DNAH8: variants seen among roughly 807,000 people sequenced by gnomAD.
DNAH8 encodes axonemal beta dynein heavy chain 8.
Under a neutral mutation model 562.1 loss-of-function variants are expected in DNAH8, and 382 were observed. That is an observed-to-expected ratio of 0.68 (90% CI 0.63 to 0.74). The LOEUF is 0.74. Among genes scored for constraint, DNAH8 ranks in the 30% least tolerant of loss-of-function variants. The pLI is 0.00. For synonymous variants in DNAH8, 1,881 were observed against 1,919.4 expected (o/e 0.98, Z 0.52); for missense variants, 5,203 against 5,620.4 (o/e 0.93, Z 2.37).
At chr6:38,872,047 G>C (rs972648857) in intron 49 of DNAH8, among the ~76,000 whole-genome samples, 1 of 152,100 alleles carries the variant, frequency 6.6e-6, no homozygotes, top group Non-Finnish European at 1.5e-5. Flanking sequence ...GGTTTCTCCT[G>C]GGAGCACTAC....
chr6:38,943,044 A>G (rs1421325850), intron 79 of DNAH8, among the ~76,000 whole-genome samples: 1 of 152,200 alleles, frequency 6.6e-6, no homozygotes, highest in East Asian at 1.9e-4. Flanking sequence ...ATTTCATGAA[A>G]TTGGAGTCAG....
intron 56 of DNAH8, among the ~76,000 whole-genome samples, chr6:38,886,141 C>T (rs1583276064): frequency 6.6e-6 from 1 of 151,976 alleles, no homozygotes; most frequent in East Asian, 1.9e-4. Context: ...GATAGCATTT[C>T]CTGGAACAAT....
intron 85 of DNAH8, among the ~76,000 whole-genome samples, chr6:38,980,638 T>C (rs2150709829): frequency 6.6e-6 from 1 of 152,270 alleles, no homozygotes; most frequent in African/African-American, 2.4e-5. Flanking sequence ...TCAAATTAGC[T>C]AAGGGATAGG....
chr6:38,896,906 C>A (rs1779734612), intron 60 of DNAH8, among the ~76,000 whole-genome samples: 1 of 152,200 alleles, frequency 6.6e-6, no homozygotes, highest in South Asian at 2.1e-4. Context: ...CTGCCTCAGC[C>A]TCCCGAGTAG....
At chr6:38,845,085 A>T (rs1045123588) in intron 35 of DNAH8, among the ~76,000 whole-genome samples, 2 of 152,064 alleles carry the variant, frequency 1.3e-5, no homozygotes, top group South Asian at 2.1e-4. Context: ...TCAAAAAAAA[A>T]ATATAGAAAA....
intron 85 of DNAH8, among the ~76,000 whole-genome samples, chr6:38,977,171 G>A (rs971388720): frequency 1.3e-5 from 2 of 152,316 alleles, no homozygotes; most frequent in Admixed American, 6.5e-5. Context: ...GAGTGGTGGA[G>A]GGCGTGGTTT....
intron 89 of DNAH8, among the ~76,000 whole-genome samples, chr6:39,009,819 G>C (rs1766067061): frequency 6.6e-6 from 1 of 151,958 alleles, no homozygotes; most frequent in African/African-American, 2.4e-5. Context: ...TAGGTACCAA[G>C]ACCTTTGGTT....
intron 22 of DNAH8, 51 bp from the exon 23 acceptor site, chr6:38,805,430 A>G: frequency 5.2e-6 from 6 of 1,151,028 alleles, no homozygotes; most frequent in Non-Finnish European, 7.9e-6. Context: ...TAGAATACAG[A>G]CAATGCTAAA....
chr6:38,772,431 A>T (rs935825477), intron 12 of DNAH8, among the ~76,000 whole-genome samples: 2 of 152,050 alleles, frequency 1.3e-5, no homozygotes, highest in Admixed American at 1.3e-4. Flanking sequence ...TGAAGTTTTG[A>T]TTTGCATTTC....
chr6:38,769,098 T>G (rs1175855757), intron 11 of DNAH8, among the ~76,000 whole-genome samples: 1 of 152,234 alleles, frequency 6.6e-6, no homozygotes, highest in African/African-American at 2.4e-5. Context: ...ACATCTGAAA[T>G]GTTTTCAGGA....
chr6:38,944,067 A>G (rs1408663182), intron 79 of DNAH8, among the ~76,000 whole-genome samples: 1 of 152,178 alleles, frequency 6.6e-6, no homozygotes, highest in East Asian at 1.9e-4. Context: ...TGGTGTCTCT[A>G]AAGCTCAGGA....
chr6:38,728,252 G>A (rs532738476), intron 3 of DNAH8, among the ~76,000 whole-genome samples: 1 of 152,220 alleles, frequency 6.6e-6, no homozygotes, highest in South Asian at 2.1e-4. Flanking sequence ...ACAGAGGTGA[G>A]CCACCGAGCC....
chr6:38,974,023 T>C (rs1763514799), intron 84 of DNAH8, among the ~76,000 whole-genome samples: 1 of 152,190 alleles, frequency 6.6e-6, no homozygotes, highest in African/African-American at 2.4e-5. Context: ...GACTTAGTAC[T>C]AATTTATTGA....
intron 11 of DNAH8, among the ~76,000 whole-genome samples, chr6:38,766,847 CAATAAAACTGGAAAAA>C (rs1040600403): frequency 2.0e-5 from 3 of 151,856 alleles, no homozygotes; most frequent in African/African-American, 7.3e-5. Flanking sequence ...AATTATACCT[CAATAAAACTGGAAAAA>C]AATAAAACTG....
chr6:38,719,956 C>T (rs1762618781), intron 1 of DNAH8, among the ~76,000 whole-genome samples: 1 of 152,192 alleles, frequency 6.6e-6, no homozygotes, highest in African/African-American at 2.4e-5. Context: ...AAGATTATCA[C>T]CAACAATATC....
chr6:38,939,129 C>CT (rs34968001), intron 79 of DNAH8, 141 bp downstream of exon 79: 1 of 671,506 alleles, frequency 1.5e-6, no homozygotes, highest in East Asian at 2.9e-5. Context: ...TTTTTAATAC[C>CT]TTTTTTCTGT....
At chr6:38,892,336 T>C (rs1779391677) in intron 58 of DNAH8, among the ~76,000 whole-genome samples, 1 of 152,184 alleles carries the variant, frequency 6.6e-6, no homozygotes, top group South Asian at 2.1e-4. Context: ...ACATCAGTGT[T>C]TGATGTCTGA....
intron 79 of DNAH8, among the ~76,000 whole-genome samples, chr6:38,945,141 A>G (rs1761276069): frequency 1.3e-5 from 2 of 152,206 alleles, no homozygotes; most frequent in South Asian, 4.1e-4. Context: ...GGAAAGATCA[A>G]CATATTCATT....
At chr6:38,776,288 G>C (rs1768068008) in intron 13 of DNAH8, among the ~76,000 whole-genome samples, 1 of 151,342 alleles carries the variant, frequency 6.6e-6, no homozygotes, top group Non-Finnish European at 1.5e-5. Flanking sequence ...AGCGATCTTG[G>C]TTCACTGCAA....
Sources: gnomAD v4.1 joint callset for allele counts (sites outside exome capture counted in the v4.1 genomes callset) on GRCh38, gnomAD v4.1.1 for gene constraint, MANE v1.5 for transcripts, NCBI Gene and HGNC (gene_info 2026-07-23, HGNC 2026-07-21) for gene names.